The following GPD1L variants were observed in gnomAD, a reference collection of about 807,000 sequenced individuals.
The protein encoded by GPD1L is glycerol-3-phosphate dehydrogenase 1-like protein.
A neutral mutation model predicts 32.9 loss-of-function variants in GPD1L; 17 were observed. The observed-to-expected ratio is 0.52, with a 90% CI of 0.35 to 0.78. The LOEUF is 0.78. GPD1L is among the 30% of genes least tolerant of loss of function. The pLI is 0.01. For missense variants in GPD1L, 361 were observed against 447.8 expected (o/e 0.81, Z 1.75); for synonymous variants, 187 against 165.9 (o/e 1.13, Z -0.98).
At position 32,161,836 on chromosome 3, in the gene GPD1L, C is replaced by T. The variant is rs1392882846; in HGVS notation, c.959+2162C>T. Reference sequence around the variant, plus strand: ...TTAATAACATCGCTGCTGGATTGGACGTGGCAGCACCCTTCTCCTGGGCTG... The same window carrying T: ...TTAATAACATCGCTGCTGGATTGGATGTGGCAGCACCCTTCTCCTGGGCTG... On this transcript the variant is annotated intron_variant, in intron 7 of 7. Coordinates refer to ENST00000282541, the MANE Select transcript of GPD1L (RefSeq NM_015141.4). Among the ~76,000 whole-genome samples the T allele has an allele frequency of 4.6e-5, 7 of 152,216 alleles. No homozygotes were observed. In the East Asian group the frequency reaches 7.7e-4, roughly 17 times the overall value.
chr3:32,159,016 C>A lies in GPD1L; in HGVS notation c.759C>A (p.Thr253=). ...IFCKGQVSTA[T]FLESCGVADL... ...GCAAAGGCCAAGTGTCTACAGCCACCTTCCTAGAGAGCTGCGGGGTGGCCG... is the reference window on the plus strand; with the variant it reads ...GCAAAGGCCAAGTGTCTACAGCCACATTCCTAGAGAGCTGCGGGGTGGCCG... The change falls in exon 6 of 8, where the codon ACC becomes ACA. Residue 253 remains threonine (T), a synonymous_variant. Coordinates refer to ENST00000282541, the MANE Select transcript of GPD1L (RefSeq NM_015141.4). 1 of 1,614,060 alleles carries A rather than the reference C, an allele frequency of 6.2e-7. No individual in the cohort carries two copies. Among genetic ancestry groups the A allele is most frequent in the South Asian group, 1.1e-5 (1 of 91,090 alleles).
At chr3:32,143,342 C>T (rs966762840) in intron 4 of GPD1L, among the ~76,000 whole-genome samples, 1 of 152,194 alleles carries the variant, frequency 6.6e-6, no homozygotes, top group Middle Eastern at 3.2e-3. Flanking sequence ...CCTCCTGCCT[C>T]AGCCTGCTGA....
chr3:32,151,206 T>C (rs903180277), intron 5 of GPD1L: 3 of 594,998 alleles, frequency 5.0e-6, no homozygotes, highest in Non-Finnish European at 9.7e-6. Context: ...ACCTTTCTCT[T>C]TGGCTTCCTT....
intron 2 of GPD1L, among the ~76,000 whole-genome samples, chr3:32,129,340 A>G (rs1403221551): frequency 6.6e-6 from 1 of 152,210 alleles, no homozygotes; most frequent in African/African-American, 2.4e-5. Context: ...TGCTTTCCTC[A>G]AGGAACTGAG....
rs748718469 is a variant in GPD1L, at chr3:32,106,729, G to C, written c.18G>C (p.Leu6=). The change falls in exon 1 of 8, where the codon CTG becomes CTC. Residue 6 remains leucine (L), a synonymous_variant. Coordinates refer to ENST00000282541, the MANE Select transcript of GPD1L (RefSeq NM_015141.4). The surrounding 1 kb of genome is among the most constrained non-coding windows in gnomAD (Gnocchi z 4.0). ...GCCCGGCCATGGCAGCGGCGCCCCT[G>C]AAAGTGTGCATCGTGGGCTCGGGGA... The part of the protein sequence containing the change: MAAAP[L]KVCIVGSGNW... 2 of 1,564,046 alleles carry C rather than the reference G, an allele frequency of 1.3e-6. No individual in the cohort carries two copies. Among genetic ancestry groups the C allele is most frequent in the East Asian group, 5.1e-5 (2 of 39,264 alleles).
At chr3:32,146,311 C>G (rs1700824841) in intron 4 of GPD1L, among the ~76,000 whole-genome samples, 1 of 152,060 alleles carries the variant, frequency 6.6e-6, no homozygotes, top group African/African-American at 2.4e-5. Context: ...TGGCTTCAAT[C>G]TCTTGACCTC....
chr3:32,131,053 T>C (rs1479931413), intron 2 of GPD1L, among the ~76,000 whole-genome samples: 3 of 151,882 alleles, frequency 2.0e-5, no homozygotes, highest in Non-Finnish European at 2.9e-5. Context: ...AAAAAAAGAA[T>C]GCTCATTATT....
At chr3:32,123,839 T>TAGATAGATAGATAGATAGAC (rs58722314) in intron 1 of GPD1L, among the ~76,000 whole-genome samples, 1,423 of 134,456 alleles carry the variant, frequency 0.011, 14 homozygotes, top group Non-Finnish European at 0.014. Context: ...GATAGATAGA[T>TAGATAGATAGATAGATAGAC]AGACAGACAG....
At chr3:32,132,143 G>A (rs1192633391) in intron 2 of GPD1L, among the ~76,000 whole-genome samples, 3 of 152,142 alleles carry the variant, frequency 2.0e-5, no homozygotes, top group Admixed American at 2.0e-4. Flanking sequence ...CCTGTTCTGT[G>A]GGTTTTCTTT....
At chr3:32,141,625 C>T (rs1304877081) in intron 4 of GPD1L, among the ~76,000 whole-genome samples, 1 of 152,010 alleles carries the variant, frequency 6.6e-6, no homozygotes, top group Non-Finnish European at 1.5e-5. Context: ...AAAGAATAGC[C>T]TATGATACCA....
At chr3:32,142,746 G>C (rs1215956074) in intron 4 of GPD1L, among the ~76,000 whole-genome samples, 1 of 152,168 alleles carries the variant, frequency 6.6e-6, no homozygotes, top group African/African-American at 2.4e-5. Context: ...GTTTGTTGTA[G>C]GAAAGTTTCT....
chr3:32,146,987 ATT>A (rs1313209329), intron 5 of GPD1L, among the ~76,000 whole-genome samples: 1 of 152,226 alleles, frequency 6.6e-6, no homozygotes, highest in East Asian at 1.9e-4. Context: ...AGTTGGCAGC[ATT>A]GATATTTGGA....
chr3:32,157,255 T>G (rs1424809786), intron 5 of GPD1L, among the ~76,000 whole-genome samples: 1 of 151,974 alleles, frequency 6.6e-6, no homozygotes, highest in East Asian at 1.9e-4. Context: ...CTCTGCCTTT[T>G]TTTTTTTTGA....
chr3:32,162,971 C>T (rs1171303287), intron 7 of GPD1L, among the ~76,000 whole-genome samples: 1 of 151,946 alleles, frequency 6.6e-6, no homozygotes, highest in African/African-American at 2.4e-5. Context: ...GTTGCCCAGG[C>T]TGGTCTCGAA....
At position 32,167,282 on chromosome 3, in the gene GPD1L, T is replaced by C. The variant is rs1017667599; in HGVS notation, c.*1372T>C. The C allele has an allele frequency of 1.6e-4, 24 of 152,194 alleles. No homozygotes were observed. Among genetic ancestry groups the C allele is most frequent in the African/African-American group, 5.3e-4 (22 of 41,430 alleles). The allele number at this position is 152,194 out of a possible 1,614,324, so 9.4% of individuals were successfully genotyped here. A position where few individuals can be genotyped will look rare whatever the true frequency, so the allele number is the denominator to read the frequency against. On this transcript the variant is annotated 3_prime_UTR_variant, in exon 8 of 8. Coordinates refer to ENST00000282541, the MANE Select transcript of GPD1L (RefSeq NM_015141.4). ...TATGTTTATACATCAGTGGAACCCA[T>C]TTTTCTAGCCTAGCAAGTCCCAAAC...
intron 1 of GPD1L, among the ~76,000 whole-genome samples, chr3:32,119,930 A>G (rs547097149): frequency 6.6e-6 from 1 of 152,320 alleles, no homozygotes; most frequent in African/African-American, 2.4e-5. Flanking sequence ...CCTCAAAGAA[A>G]TTCATCAGGT....
intron 5 of GPD1L, among the ~76,000 whole-genome samples, chr3:32,155,490 C>T (rs931422519): frequency 6.6e-6 from 1 of 152,052 alleles, no homozygotes; most frequent in Non-Finnish European, 1.5e-5. Context: ...TTTCATATAA[C>T]AGTTTCAGAA....
At chr3:32,118,785 C>T (rs1035449513) in intron 1 of GPD1L, among the ~76,000 whole-genome samples, 1 of 152,148 alleles carries the variant, frequency 6.6e-6, no homozygotes, top group Non-Finnish European at 1.5e-5. Flanking sequence ...CCACTCTTTC[C>T]CCAGTCCCTG....
intron 7 of GPD1L, among the ~76,000 whole-genome samples, chr3:32,160,108 C>G (rs1701055227): frequency 6.6e-6 from 1 of 151,022 alleles, no homozygotes; most frequent in Non-Finnish European, 1.5e-5. Flanking sequence ...GAAGGTAGCT[C>G]TGTTAAGTTT....
Sources: allele counts gnomAD v4.1 joint callset (sites outside exome capture counted in the v4.1 genomes callset), GRCh38; gene constraint gnomAD v4.1.1; non-coding constraint Gnocchi (gnomAD v3.1); transcripts MANE v1.5; gene names NCBI Gene and HGNC (gene_info 2026-07-23, HGNC 2026-07-21).